The following LRRTM4 variants were observed in gnomAD, a reference collection of about 807,000 sequenced individuals.
LRRTM4 encodes leucine rich repeat transmembrane neuronal 4, also known as leucine-rich repeat transmembrane neuronal protein 4.
In LRRTM4, 25 loss-of-function variants were observed where a neutral mutation model predicts 47.6. The ratio of observed to expected loss-of-function variants is 0.53; its 90% CI spans 0.38 to 0.73. The LOEUF (loss-of-function observed/expected upper bound fraction) is 0.73. Among genes scored for constraint, LRRTM4 ranks in the 30% least tolerant of loss-of-function variants. The pLI is 0.00. For missense variants in LRRTM4, 638 were observed against 713.4 expected, an observed-to-expected ratio of 0.89 and a Z score of 1.20; for synonymous variants, 311 against 269.5, an observed-to-expected ratio of 1.15 and a Z score of -1.51.
intron 3 of LRRTM4, among the ~76,000 whole-genome samples, chr2:77,138,050 A>G (rs1672001860): frequency 6.6e-6 from 1 of 152,154 alleles, no homozygotes. Context: ...CCTACTGTCA[A>G]CATTAGACAG....
intron 3 of LRRTM4, among the ~76,000 whole-genome samples, chr2:76,931,225 TAAAC>T (rs1485500267): frequency 1.3e-5 from 2 of 152,134 alleles, no homozygotes; most frequent in Non-Finnish European, 2.9e-5. Flanking sequence ...TTCCATCAAA[TAAAC>T]AAGAAAGTCA....
At chr2:77,096,469 ATAAAT>A (rs1387075823) in intron 3 of LRRTM4, among the ~76,000 whole-genome samples, 6 of 151,622 alleles carry the variant, frequency 4.0e-5, no homozygotes, top group Non-Finnish European at 1.5e-5. Flanking sequence ...GAGTAAATTA[ATAAAT>A]TAAAATATGA....
intron 3 of LRRTM4, among the ~76,000 whole-genome samples, chr2:76,763,336 G>A (rs1164660416): frequency 6.6e-6 from 1 of 152,204 alleles, no homozygotes; most frequent in Non-Finnish European, 1.5e-5. Flanking sequence ...AGTAATTAAA[G>A]TTAAATGAGG....
intron 3 of LRRTM4, among the ~76,000 whole-genome samples, chr2:77,046,575 G>A (rs968343043): frequency 6.6e-6 from 1 of 151,932 alleles, no homozygotes; most frequent in African/African-American, 2.4e-5. Context: ...ATTCAGCAGG[G>A]AAACATCTAT....
chr2:77,045,253 T>G (rs1375209708), intron 3 of LRRTM4, among the ~76,000 whole-genome samples: 1 of 151,904 alleles, frequency 6.6e-6, no homozygotes, highest in African/African-American at 2.4e-5. Flanking sequence ...ACAAAAAAAG[T>G]AGAGAAAAAT....
At chr2:77,374,869 GA>G (rs1229694603) in intron 3 of LRRTM4, among the ~76,000 whole-genome samples, 1 of 151,506 alleles carries the variant, frequency 6.6e-6, no homozygotes, top group Non-Finnish European at 1.5e-5. Context: ...TGTGAAATGG[GA>G]AAAAGTTACT....
intron 3 of LRRTM4, among the ~76,000 whole-genome samples, chr2:77,222,023 A>C (rs1336526528): frequency 2.0e-5 from 3 of 152,198 alleles, no homozygotes; most frequent in Non-Finnish European, 4.4e-5. Flanking sequence ...ACCACAGTGC[A>C]ATCAAACTAG....
chr2:76,828,144 C>G (rs1334344099), intron 3 of LRRTM4, among the ~76,000 whole-genome samples: 1 of 151,844 alleles, frequency 6.6e-6, no homozygotes, highest in East Asian at 1.9e-4. Flanking sequence ...AGAATTATCT[C>G]CTGTGAATTT....
intron 3 of LRRTM4, among the ~76,000 whole-genome samples, chr2:76,894,071 A>C (rs1673334289): frequency 6.6e-6 from 1 of 151,982 alleles, no homozygotes; most frequent in African/African-American, 2.4e-5. Flanking sequence ...GTATGTAGTC[A>C]TAATGTTTAC....
chr2:77,041,838 G>A lies in LRRTM4; in HGVS notation c.1552-292922C>T, dbSNP rs374302909. Reference sequence around the variant, plus strand: ...GCTTTTGAAAGTAATGGCAAAAACCGCAATGACTTTTGCACTGACCTAATA... The same window carrying A: ...GCTTTTGAAAGTAATGGCAAAAACCACAATGACTTTTGCACTGACCTAATA... On this transcript the variant is annotated intron_variant, in intron 3 of 3. Transcript: ENST00000409884. Among the ~76,000 whole-genome samples the A allele has an allele frequency of 4.9e-4, 73 of 149,758 alleles. 1 individual carries two copies. The highest frequency in any genetic ancestry group is 3.5e-3 in the Admixed American group (52 of 15,050).
intron 3 of LRRTM4, among the ~76,000 whole-genome samples, chr2:76,928,067 A>C (rs1170438800): frequency 2.0e-5 from 3 of 152,174 alleles, no homozygotes; most frequent in African/African-American, 7.2e-5. Flanking sequence ...GTGCCCTTCC[A>C]ATTTTTATAT....
At chr2:77,506,521 A>G (rs1307853030) in intron 3 of LRRTM4, among the ~76,000 whole-genome samples, 1 of 151,862 alleles carries the variant, frequency 6.6e-6, no homozygotes, top group Admixed American at 6.6e-5. Flanking sequence ...AACGTCAAAC[A>G]TGTAAAAATT....
intron 3 of LRRTM4, among the ~76,000 whole-genome samples, chr2:76,840,549 A>C (rs1044987927): frequency 6.6e-6 from 1 of 152,354 alleles, no homozygotes; most frequent in South Asian, 2.1e-4. Context: ...TAGTCTTCAC[A>C]TGCAAAAGAT....
intron 3 of LRRTM4, among the ~76,000 whole-genome samples, chr2:76,899,210 T>C (rs909451481): frequency 1.3e-5 from 2 of 151,662 alleles, no homozygotes; most frequent in Admixed American, 6.6e-5. Context: ...TCAACAAATA[T>C]ATATAGAGAG....
intron 3 of LRRTM4, among the ~76,000 whole-genome samples, chr2:77,506,234 C>A (rs1678766576): frequency 6.6e-6 from 1 of 151,202 alleles, no homozygotes; most frequent in Non-Finnish European, 1.5e-5. Flanking sequence ...AATATTTTAG[C>A]AGGAAAAAAA....
At chr2:76,895,203 T>C (rs1424426995) in intron 3 of LRRTM4, among the ~76,000 whole-genome samples, 1 of 152,046 alleles carries the variant, frequency 6.6e-6, no homozygotes, top group Admixed American at 6.6e-5. Context: ...TAATTTATAA[T>C]TCTATTTATA....
chr2:77,415,625 T>C (rs1316737413), intron 3 of LRRTM4, among the ~76,000 whole-genome samples: 3 of 152,158 alleles, frequency 2.0e-5, no homozygotes, highest in African/African-American at 7.2e-5. Flanking sequence ...CTGTTTAATT[T>C]CCTTTCAATA....
Position 77,268,689 on chromosome 2 carries a change from C to T in LRRTM4, c.1551+249629G>A, listed in dbSNP as rs186739957. 1.1e-3 allele frequency among the ~76,000 whole-genome samples: 162 copies of T among 152,162 alleles called. 1 individual carries two copies. Among genetic ancestry groups the T allele is most frequent in the African/African-American group, 3.8e-3 (158 of 41,530 alleles). On this transcript the variant is annotated intron_variant, in intron 3 of 3. Coordinates refer to ENST00000409884, the MANE Select transcript of LRRTM4 (RefSeq NM_001134745.3). ...AATAGTTGTACTCAATTTATTTTAA[C>T]TCTATGAAAACAAAAAAAAATCTTA...
intron 3 of LRRTM4, among the ~76,000 whole-genome samples, chr2:77,030,196 G>A (rs1005988230): frequency 2.0e-5 from 3 of 152,194 alleles, no homozygotes; most frequent in African/African-American, 7.2e-5. Context: ...ACTTTGGGAG[G>A]CTGAGGCGGG....
Sources: gnomAD v4.1 joint callset for allele counts (sites outside exome capture counted in the v4.1 genomes callset) on GRCh38, gnomAD v4.1.1 for gene constraint, MANE v1.5 for transcripts, NCBI Gene and HGNC (gene_info 2026-07-23, HGNC 2026-07-21) for gene names.